Variants in USP22 observed in about 807,000 individuals in gnomAD.
USP22 encodes the protein ubiquitin carboxyl-terminal hydrolase 22.
Under a neutral mutation model 68.1 loss-of-function variants are expected in USP22, and 22 were observed. That is an observed-to-expected ratio of 0.32 (90% confidence interval 0.23 to 0.46). The LOEUF (loss-of-function observed/expected upper bound fraction) is 0.46. Among genes scored for constraint, USP22 ranks in the 20% least tolerant of loss-of-function variants. USP22 has a pLI of 1.00. For missense variants in USP22, 433 were observed against 695.8 expected, an observed-to-expected ratio of 0.62 and a Z score of 4.25; for synonymous variants, 279 against 274.2, an observed-to-expected ratio of 1.02 and a Z score of -0.17.
chr17:21,003,225 G>C (rs1913653290), intron 12 of USP22, 152 bp from the exon 13 acceptor site: 1 of 862,330 alleles, frequency 1.2e-6, no homozygotes, highest in Admixed American at 2.1e-5. Context: ...CCGCAAGGAG[G>C]AAAGAGTGCT....
At chr17:21,011,066 G>A in intron 8 of USP22, 85 bp downstream of exon 8, 1 of 1,493,298 alleles carries the variant, frequency 6.7e-7, no homozygotes, top group Non-Finnish European at 8.9e-7. Flanking sequence ...TCCTGGGCAT[G>A]TGAAAGAGCC....
chr17:21,020,244 C>CAAAAAAAAAAAAAAAAAAAAAAAA (rs3047597), intron 3 of USP22, among the ~76,000 whole-genome samples: 10 of 73,280 alleles, frequency 1.4e-4, no homozygotes, highest in Admixed American at 3.4e-4. Context: ...AATCAAAAAC[C>CAAAAAAAAAAAAAAAAAAAAAAAA]AAAAAAAAAA....
chr17:21,017,972 C>T lies in USP22; in HGVS notation c.660G>A (p.Leu220=). The T allele has an allele frequency of 6.2e-7, 1 of 1,614,126 alleles. No homozygotes were observed. The highest frequency in any genetic ancestry group is 1.3e-5 in the African/African-American group (1 of 75,028). Reference sequence around the variant, plus strand: ...GAAACAGTGAGGACATCTCACAGACCAGACAGGAGCTGGGGCTCTGCATCT... The same window carrying T: ...GAAACAGTGAGGACATCTCACAGACTAGACAGGAGCTGGGGCTCTGCATCT... The part of the protein sequence containing the change: ...RCEMQSPSSC[L]VCEMSSLFQE... Residue 220 remains leucine (L), a synonymous_variant, in exon 5 of 13, where the codon CTG becomes CTA. Coordinates refer to ENST00000261497, the MANE Select transcript of USP22 (RefSeq NM_015276.2).
At position 21,002,904 on chromosome 17, in the gene USP22, C is replaced by CA; in HGVS notation, c.*126dup. On this transcript the variant is annotated 3_prime_UTR_variant, in exon 13 of 13. Transcript: ENST00000261497. ...CCCAGGTGCAGAGGGGCCACATCTG[C>CA]ATGGGAGGTGGTGTCACCAGGCCGG... The CA allele has an allele frequency of 8.7e-7, 1 of 1,150,480 alleles. No individual in the cohort carries two copies. Among genetic ancestry groups the CA allele is most frequent in the Non-Finnish European group, 1.3e-6 (1 of 781,198 alleles). 71.3% of individuals were successfully genotyped at this position (1,150,480 alleles called of 1,614,324 possible). A position where few individuals can be genotyped will look rare whatever the true frequency, so the allele number is the denominator to read the frequency against.
chr17:21,039,065 C>A (rs771759024), intron 1 of USP22, among the ~76,000 whole-genome samples: 46 of 152,000 alleles, frequency 3.0e-4, no homozygotes, highest in Admixed American at 1.1e-3. Flanking sequence ...GATTCTCCTG[C>A]CCCAGCCTCA....
chr17:21,024,726 G>A lies in USP22; in HGVS notation c.305-3500C>T, dbSNP rs567573446. On this transcript the variant is annotated intron_variant, in intron 2 of 12. Transcript: ENST00000261497. ...CTCACACCTGGAATCCCAGCACTTT[G>A]GGAGGCAGAGATGGGAGGATCACTT... 3.3e-5 allele frequency among the ~76,000 whole-genome samples: 5 copies of A among 152,298 alleles called. No homozygotes were observed. The South Asian group carries it at 1.0e-3, about 32-fold the overall frequency.
chr17:21,036,664 G>A (rs1972362026), intron 1 of USP22, among the ~76,000 whole-genome samples: 1 of 152,174 alleles, frequency 6.6e-6, no homozygotes, highest in African/African-American at 2.4e-5. Flanking sequence ...AGAAGTTACA[G>A]ATAAACTGGA....
At chr17:21,008,134 T>C (rs1463102183) in intron 8 of USP22, 138 bp from the exon 9 acceptor site, 56 of 1,104,182 alleles carry the variant, frequency 5.1e-5, no homozygotes, top group Non-Finnish European at 6.4e-5. Flanking sequence ...AATGAAACAA[T>C]GAAAAAAAGA....
At position 21,004,930 on chromosome 17, in the gene USP22, G is replaced by A. The variant is rs752577323; in HGVS notation, c.1383C>T (p.Asn461=). The change falls in exon 11 of 13, where the codon AAC becomes AAT. Residue 461 remains asparagine (N), a splice_region_variant and synonymous_variant. Transcript: ENST00000261497. Reference sequence around the variant, plus strand: ...CCACACCGCTAAGCACCACTTACTTGTTGTCATTGTTGAGACTGTCCGTGG... The same window carrying A: ...CCACACCGCTAAGCACCACTTACTTATTGTCATTGTTGAGACTGTCCGTGG... ...QQPTDSLNND[N]KYSLFAVVNH... 2 of 1,614,192 alleles carry A rather than the reference G, an allele frequency of 1.2e-6. No homozygotes were observed. The highest frequency in any genetic ancestry group is 1.1e-5 in the South Asian group (1 of 91,086).
chr17:21,026,968 A>C (rs916368005), intron 2 of USP22, among the ~76,000 whole-genome samples: 1 of 151,860 alleles, frequency 6.6e-6, no homozygotes, highest in Non-Finnish European at 1.5e-5. Context: ...CACCCAGCTA[A>C]CTTTTTTGTT....
chr17:21,039,750 A>C (rs1567594964), intron 1 of USP22, among the ~76,000 whole-genome samples: 1 of 152,174 alleles, frequency 6.6e-6, no homozygotes, highest in Non-Finnish European at 1.5e-5. Context: ...ATTTCTTTAA[A>C]CTGTACCTGA....
chr17:21,013,943 G>A (rs1235439759), intron 6 of USP22, among the ~76,000 whole-genome samples: 2 of 152,166 alleles, frequency 1.3e-5, no homozygotes, highest in Admixed American at 6.5e-5. Context: ...GCATGGTGGC[G>A]GGCGCCTGTA....
chr17:21,040,067 G>A (rs1004106935), intron 1 of USP22, among the ~76,000 whole-genome samples: 3 of 152,160 alleles, frequency 2.0e-5, no homozygotes, highest in Non-Finnish European at 2.9e-5. Context: ...ACACACGCCC[G>A]TAGTCCCAGC....
Position 21,002,157 on chromosome 17 carries a change from T to C in USP22, c.*874A>G, listed in dbSNP as rs1299436532. ...CACCGTATGAGCTGCAGCACAACTC[T>C]CCTCCGCTGCGCCCACTGCCAGCCA... On this transcript the variant is annotated 3_prime_UTR_variant, in exon 13 of 13. Transcript: ENST00000261497. 6.6e-6 allele frequency: 1 copy of C among 152,132 alleles called. No individual in the cohort carries two copies. The highest frequency in any genetic ancestry group is 1.5e-5 in the Non-Finnish European group (1 of 68,126). 9.4% of individuals were successfully genotyped at this position (152,132 alleles called of 1,614,324 possible).
chr17:21,009,677 G>A (rs1013476024), intron 8 of USP22, among the ~76,000 whole-genome samples: 5 of 141,480 alleles, frequency 3.5e-5, no homozygotes, highest in Non-Finnish European at 6.5e-5. Flanking sequence ...TTGGTTGGCC[G>A]GGCATGCTGG....
chr17:21,039,017 T>C (rs952240197), intron 1 of USP22, among the ~76,000 whole-genome samples: 2 of 151,974 alleles, frequency 1.3e-5, no homozygotes, highest in African/African-American at 2.4e-5. Flanking sequence ...AGTGGTGCGA[T>C]CTCGGCTCAC....
chr17:21,006,987 G>A lies in USP22; in HGVS notation c.1231C>T (p.Arg411Ter), dbSNP rs1318461076. Reference protein sequence around the residue: ...LPIVACFHLKRFEHSAKLRRK... With the variant: ...LPIVACFHLK ...CGCAGCTTGGCTGAGTGTTCAAATCGCTGCAGAAATAGGAAGGGGACAGAG... is the reference window on the plus strand; with the variant it reads ...CGCAGCTTGGCTGAGTGTTCAAATCACTGCAGAAATAGGAAGGGGACAGAG... The change falls in exon 10 of 13, where the codon CGA (arginine) becomes TGA (stop). Residue 411 changes from arginine to a stop codon, truncating the protein, a stop_gained and splice_region_variant. Transcript: ENST00000261497. LOFTEE classifies it high-confidence loss of function. 4 of 1,597,282 alleles carry A rather than the reference G, an allele frequency of 2.5e-6. No individual in the cohort carries two copies. The highest frequency in any genetic ancestry group is 1.1e-5 in the South Asian group (1 of 88,516).
chr17:21,022,090 ACT>A (rs999356620), intron 2 of USP22, among the ~76,000 whole-genome samples: 19 of 152,086 alleles, frequency 1.2e-4, no homozygotes, highest in African/African-American at 4.3e-4. Flanking sequence ...ACAGAGTGAG[ACT>A]CTGTCTCAAA....
At chr17:21,008,929 T>C (rs1022285057) in intron 8 of USP22, among the ~76,000 whole-genome samples, 16 of 151,660 alleles carry the variant, frequency 1.1e-4, no homozygotes, top group Admixed American at 9.9e-4. Flanking sequence ...CCGTCTGTAC[T>C]AAAAATACAA....
Sources: allele counts gnomAD v4.1 joint callset (sites outside exome capture counted in the v4.1 genomes callset), GRCh38; gene constraint gnomAD v4.1.1; transcripts MANE v1.5; gene names NCBI Gene and HGNC (gene_info 2026-07-23, HGNC 2026-07-21).